HSPA4: variants seen among roughly 807,000 people sequenced by gnomAD.
The protein encoded by HSPA4 is heat shock 70 kDa protein 4.
Under a neutral mutation model 106.2 loss-of-function variants are expected in HSPA4, and 25 were observed. The observed-to-expected ratio is 0.24, with a 90% CI of 0.17 to 0.33. HSPA4 has a LOEUF of 0.33. HSPA4 is among the 10% of genes least tolerant of loss of function. The pLI, the probability that HSPA4 is intolerant of heterozygous loss-of-function variation, is 1.00. For synonymous variants in HSPA4, 332 were observed against 333.6 expected (o/e 1.00, Z 0.05); for missense variants, 841 against 996.0 (o/e 0.84, Z 2.10).
In HSPA4 at chr5:133,073,328, A is replaced by G. The variant is rs185385178; in HGVS notation, c.528A>G (p.Ala176=). Residue 176 remains alanine (A), a splice_region_variant and synonymous_variant, in exon 5 of 19, where the codon GCA becomes GCG. Coordinates refer to ENST00000304858, the MANE Select transcript of HSPA4 (RefSeq NM_002154.4). ...NCLRLMNETT[A]VALAYGIYKQ... is the part of the protein sequence containing the mutation. Reference sequence around the variant, plus strand: ...TGCGATTAATGAATGAAACCACTGCAGGTAAGGAGGACCGTTGATTATTTT... The same window carrying G: ...TGCGATTAATGAATGAAACCACTGCGGGTAAGGAGGACCGTTGATTATTTT... 1.7e-4 allele frequency: 267 copies of G among 1,574,866 alleles called. 1 individual carries two copies. In the East Asian group the frequency reaches 5.5e-3, roughly 33 times the overall value.
At chr5:133,089,012 G>A (rs1765612510) in intron 9 of HSPA4, 43 bp from the exon 10 acceptor site, 4 of 1,046,202 alleles carry the variant, frequency 3.8e-6, no homozygotes, top group Non-Finnish European at 5.8e-6. Flanking sequence ...AGTTTATATT[G>A]TCTATACTTG....
chr5:133,076,417 AACTGC>A (rs1765446495), intron 6 of HSPA4, among the ~76,000 whole-genome samples: 1 of 152,192 alleles, frequency 6.6e-6, no homozygotes, highest in Non-Finnish European at 1.5e-5. Flanking sequence ...TAGCTTTGTG[AACTGC>A]AGTTTATCTC....
chr5:133,083,010 C>T (rs1765533079), intron 7 of HSPA4, among the ~76,000 whole-genome samples: 1 of 151,782 alleles, frequency 6.6e-6, no homozygotes, highest in Non-Finnish European at 1.5e-5. Context: ...TGGTGGGTGC[C>T]TGTAATCCCA....
At chr5:133,057,597 C>T (rs1254227015) in intron 1 of HSPA4, among the ~76,000 whole-genome samples, 1 of 152,180 alleles carries the variant, frequency 6.6e-6, no homozygotes, top group Non-Finnish European at 1.5e-5. Context: ...ATAATATCCT[C>T]TCAGAATGTG....
At chr5:133,054,544 C>G (rs769150809) in intron 1 of HSPA4, among the ~76,000 whole-genome samples, 1 of 152,118 alleles carries the variant, frequency 6.6e-6, no homozygotes, top group African/African-American at 2.4e-5. Context: ...TACAATTTAA[C>G]CAGATGAAGT....
chr5:133,076,612 C>A lies in HSPA4; in HGVS notation c.664-42C>A, dbSNP rs746120710. On this transcript the variant is annotated intron_variant, in intron 6 of 18. Transcript: ENST00000304858. The stretch of plus-strand genomic sequence containing the variant: ...AAATATATATCATCTGTTTCAAAAT[C>A]GATTGGTTAATTGTTAGATTAATTC... 5.7e-6 allele frequency: 9 copies of A among 1,565,596 alleles called. No individual in the cohort carries two copies. The Admixed American group carries it at 1.2e-4, about 22-fold the overall frequency.
intron 1 of HSPA4, among the ~76,000 whole-genome samples, chr5:133,059,629 A>G (rs138973218): frequency 3.1e-4 from 47 of 152,226 alleles, no homozygotes; most frequent in African/African-American, 1.1e-3. Flanking sequence ...CCAGAAAAAA[A>G]ATCCAAAATG....
rs141344308 is a variant in HSPA4, at chr5:133,094,478, A to G, written c.1651-1620A>G. ...TATTAAAAAGGAAAATGGACAGGAA[A>G]TGGTGCTTACAGATTCTTTAGTTGG... On this transcript the variant is annotated intron_variant, in intron 13 of 18. Transcript: ENST00000304858. Among the ~76,000 whole-genome samples, 849 of 152,328 alleles carry G rather than the reference A, an allele frequency of 5.6e-3. 11 individuals carry two copies. The highest frequency in any genetic ancestry group is 0.015 in the African/African-American group (615 of 41,570).
intron 17 of HSPA4, 42 bp downstream of exon 17, chr5:133,101,920 ACTTT>A: frequency 2.6e-6 from 3 of 1,174,466 alleles, no homozygotes; most frequent in Non-Finnish European, 3.4e-6. Flanking sequence ...AGTAAAGTTA[ACTTT>A]TTTTTTTTTT....
intron 7 of HSPA4, among the ~76,000 whole-genome samples, chr5:133,082,992 G>T (rs762952253): frequency 6.6e-6 from 1 of 151,716 alleles, no homozygotes; most frequent in Admixed American, 6.6e-5. Flanking sequence ...AAAATTAGCC[G>T]GGTGTAGTGG....
rs1210890048 is a variant in HSPA4 at position 133,089,640 on chromosome 5, T to C, written c.1323T>C (p.Thr441=). The C allele has an allele frequency of 6.2e-7, 1 of 1,612,050 alleles. No individual in the cohort carries two copies. The highest frequency in any genetic ancestry group is 8.5e-7 in the Non-Finnish European group (1 of 1,178,680). The part of the protein sequence containing the change: ...VLTFYRKEPF[T]LEAYYSSPQD... ...CATTTTATAGAAAGGAACCTTTCAC[T>C]CTTGAGGCCTACTACAGCTCTCCTC... Residue 441 remains threonine (T), a synonymous_variant, in exon 11 of 19, where the codon ACT becomes ACC. Coordinates refer to ENST00000304858, the MANE Select transcript of HSPA4 (RefSeq NM_002154.4).
chr5:133,089,000 T>C (rs1451103291), intron 9 of HSPA4, 55 bp from the exon 10 acceptor site: 3 of 813,888 alleles, frequency 3.7e-6, no homozygotes, highest in Non-Finnish European at 5.9e-6. Context: ...AGTGATATTA[T>C]CAGTTTATAT....
intron 1 of HSPA4, among the ~76,000 whole-genome samples, chr5:133,058,393 C>T (rs371568312): frequency 5.9e-5 from 9 of 152,034 alleles, no homozygotes; most frequent in African/African-American, 2.2e-4. Flanking sequence ...AAAAACATAA[C>T]GGGGCTGGGC....
chr5:133,082,700 G>C (rs1199605864), intron 7 of HSPA4, among the ~76,000 whole-genome samples: 1 of 152,012 alleles, frequency 6.6e-6, no homozygotes, highest in Admixed American at 6.6e-5. Flanking sequence ...TCCTGAGCTC[G>C]GCCACCCTCC....
intron 11 of HSPA4, among the ~76,000 whole-genome samples, chr5:133,090,013 C>G (rs1279395134): frequency 6.6e-6 from 1 of 152,200 alleles, no homozygotes; most frequent in Non-Finnish European, 1.5e-5. Flanking sequence ...TTAATTGGAT[C>G]TCCCATTGTA....
rs1266474742 is a variant in HSPA4, at chr5:133,089,647, G to A, written c.1330G>A (p.Ala444Thr). ...FYRKEPFTLE[A>T]YYSSPQDLPY... ...TAGAAAGGAACCTTTCACTCTTGAG[G>A]CCTACTACAGCTCTCCTCAGGATTT... The change falls in exon 11 of 19, where the codon GCC becomes ACC. Residue 444 changes from alanine to threonine, a missense_variant. Physicochemically the swap from Ala to Thr is moderately conservative, Grantham distance 58 (BLOSUM62 0). This residue lies in a region of HSPA4 where 162 missense variants were observed against 177.7 expected (regional missense o/e 0.91). Coordinates refer to ENST00000304858, the MANE Select transcript of HSPA4 (RefSeq NM_002154.4). The A allele has an allele frequency of 6.2e-7, 1 of 1,611,108 alleles. No individual in the cohort carries two copies. Among genetic ancestry groups the A allele is most frequent in the Non-Finnish European group, 8.5e-7 (1 of 1,178,160 alleles).
At chr5:133,064,899 A>G (rs1005556900) in intron 1 of HSPA4, 81 bp from the exon 2 acceptor site, 1 of 1,153,424 alleles carries the variant, frequency 8.7e-7, no homozygotes, top group African/African-American at 1.5e-5. Context: ...ATTTTAGCTG[A>G]TACTCAGATC....
chr5:133,053,714 C>T (rs985940621), intron 1 of HSPA4, among the ~76,000 whole-genome samples: 4 of 151,610 alleles, frequency 2.6e-5, no homozygotes, highest in African/African-American at 9.7e-5. Context: ...GGCTGGAGTG[C>T]AGTGGCATGC....
chr5:133,076,807 C>T lies in HSPA4; in HGVS notation c.817C>T (p.Leu273Phe), dbSNP rs1038985892. Residue 273 changes from leucine to phenylalanine, a missense_variant, in exon 7 of 19, where the codon CTC becomes TTC. Leu to Phe is a conservative substitution (Grantham distance 22, BLOSUM62 0). Around this residue, in one of 5 missense-constraint regions of HSPA4, gnomAD observed 347 missense variants for 408.7 expected, o/e 0.85. Transcript: ENST00000304858. ...ACGACTCTCTCAGGAGTGTGAGAAA[C>T]TCAAGAAATTGATGAGTGCAAATGC... Reference protein sequence around the residue: ...LLRLSQECEKLKKLMSANASD... With the variant: ...LLRLSQECEKFKKLMSANASD... The T allele has an allele frequency of 1.2e-6, 2 of 1,613,634 alleles. No homozygotes were observed.
Sources: gnomAD v4.1 joint callset for allele counts (sites outside exome capture counted in the v4.1 genomes callset) on GRCh38, gnomAD v4.1.1 for gene constraint, gnomAD v4.1.1 regional missense constraint, MANE v1.5 for transcripts, NCBI Gene and HGNC (gene_info 2026-07-23, HGNC 2026-07-21) for gene names.